GATAD2A: variants seen among roughly 807,000 people sequenced by gnomAD.
The protein encoded by GATAD2A is transcriptional repressor p66-alpha.
In GATAD2A, 12 loss-of-function variants were observed where a neutral mutation model predicts 68.5. That is an observed-to-expected ratio of 0.18 (90% CI 0.11 to 0.28). The LOEUF is 0.28. GATAD2A is among the 10% of genes least tolerant of loss of function. The pLI is 1.00. For missense variants in GATAD2A, 755 were observed against 868.5 expected, an observed-to-expected ratio of 0.87 and a Z score of 1.64; for synonymous variants, 410 against 375.3, an observed-to-expected ratio of 1.09 and a Z score of -1.07.
At chr19:19,417,898 G>C (rs2051848210) in intron 1 of GATAD2A, among the ~76,000 whole-genome samples, 1 of 152,212 alleles carries the variant, frequency 6.6e-6, no homozygotes. Context: ...TGCTCGACCA[G>C]TGCTGAGCCC....
intron 1 of GATAD2A, among the ~76,000 whole-genome samples, chr19:19,463,098 C>A (rs897546529): frequency 1.3e-5 from 2 of 152,146 alleles, no homozygotes; most frequent in Non-Finnish European, 2.9e-5. Flanking sequence ...TAGAGTGGGG[C>A]CCTTACTTGT....
chr19:19,425,501 C>T (rs2147331178), intron 1 of GATAD2A, among the ~76,000 whole-genome samples: 1 of 152,318 alleles, frequency 6.6e-6, no homozygotes, highest in South Asian at 2.1e-4. Flanking sequence ...GTTGTTTACC[C>T]CCTTTCCCCT....
chr19:19,419,275 T>G (rs1459134896), intron 1 of GATAD2A, among the ~76,000 whole-genome samples: 1 of 152,152 alleles, frequency 6.6e-6, no homozygotes, highest in Non-Finnish European at 1.5e-5. Context: ...TGGTCCTAGT[T>G]TATGACCCAG....
chr19:19,500,706 TCTCTCTTGGC>T (rs1205050396), intron 8 of GATAD2A, among the ~76,000 whole-genome samples: 3 of 152,204 alleles, frequency 2.0e-5, no homozygotes, highest in Non-Finnish European at 4.4e-5. Context: ...GGTCACTTGG[TCTCTCTTGGC>T]CTCAGTTTCC....
chr19:19,442,936 T>C (rs1321890381), intron 1 of GATAD2A, among the ~76,000 whole-genome samples: 1 of 151,884 alleles, frequency 6.6e-6, no homozygotes, highest in Non-Finnish European at 1.5e-5. Context: ...GGCTGCACAC[T>C]CCAGGAACGA....
chr19:19,470,691 A>G (rs781030169), intron 2 of GATAD2A, among the ~76,000 whole-genome samples: 16 of 152,184 alleles, frequency 1.1e-4, no homozygotes, highest in Non-Finnish European at 1.8e-4. Context: ...ATTGTAGGTG[A>G]ACGTTCTCTG....
At position 19,492,717 on chromosome 19, in the gene GATAD2A, G is replaced by GT. The variant is rs756475056; in HGVS notation, c.534+6dup. Reference sequence around the variant, plus strand: ...AAGGAAGCCACCGCCCAGAAGGTGCGTGCCTGTCTCCCCTCCTTCCTGGGC... The same window carrying GT: ...AAGGAAGCCACCGCCCAGAAGGTGCGTTGCCTGTCTCCCCTCCTTCCTGGGC... On this transcript the variant is annotated splice_donor_region_variant and intron_variant, in intron 4 of 11. Transcript: ENST00000683918. 3.7e-6 allele frequency: 6 copies of GT among 1,614,002 alleles called. No individual in the cohort carries two copies. In the African/African-American group the frequency reaches 8.0e-5, roughly 22 times the overall value.
intron 1 of GATAD2A, among the ~76,000 whole-genome samples, chr19:19,445,640 C>G (rs565026850): frequency 6.6e-6 from 1 of 152,332 alleles, no homozygotes; most frequent in East Asian, 1.9e-4. Flanking sequence ...GGGTTTGCCT[C>G]TTCTGGCATT....
At chr19:19,395,664 C>T (rs2049179686) in intron 1 of GATAD2A, among the ~76,000 whole-genome samples, 1 of 152,090 alleles carries the variant, frequency 6.6e-6, no homozygotes, top group Admixed American at 6.6e-5. Flanking sequence ...CTTGTCTGCA[C>T]CAAGAGCTGC....
At chr19:19,442,261 G>T (rs2055185093) in intron 1 of GATAD2A, among the ~76,000 whole-genome samples, 1 of 152,202 alleles carries the variant, frequency 6.6e-6, no homozygotes, top group African/African-American at 2.4e-5. Flanking sequence ...GGACCCACAG[G>T]GGCCCTGCTG....
intron 1 of GATAD2A, among the ~76,000 whole-genome samples, chr19:19,419,901 A>G (rs988656993): frequency 2.6e-5 from 4 of 151,762 alleles, no homozygotes; most frequent in Admixed American, 2.0e-4. Context: ...ATTGTTCTCA[A>G]TGGTACAGCG....
chr19:19,487,989 A>G (rs1194512579), intron 2 of GATAD2A, among the ~76,000 whole-genome samples: 1 of 152,170 alleles, frequency 6.6e-6, no homozygotes, highest in East Asian at 1.9e-4. Flanking sequence ...CTGTCTCCCC[A>G]AGCCAGCCTG....
At position 19,502,632 on chromosome 19, in the gene GATAD2A, C is replaced by T; in HGVS notation, c.1774+106C>T. The T allele has an allele frequency of 4.6e-6, 4 of 864,002 alleles. No homozygotes were observed. The South Asian group carries it at 6.6e-5, about 14-fold the overall frequency. The allele number at this position is 864,002 out of a possible 1,614,324, so 53.5% of individuals were successfully genotyped here. A position where few individuals can be genotyped will look rare whatever the true frequency, so the allele number is the denominator to read the frequency against. The stretch of plus-strand genomic sequence containing the variant: ...TGCAGCGGGTGAACCCCCAGGCCCG[C>T]TTCCCAAGCTCAGCCTCCTCGGACT... On this transcript the variant is annotated intron_variant, in intron 11 of 11. Transcript: ENST00000683918.
chr19:19,470,153 T>TA lies in GATAD2A; in HGVS notation c.269+4539_269+4540insA, dbSNP rs1469210634. On this transcript the variant is annotated intron_variant, in intron 2 of 11. Coordinates refer to ENST00000683918, the MANE Select transcript of GATAD2A (RefSeq NM_001384528.1). ...CCAAACTGCGACTTTATTTTTTTTT[T>TA]TGTTTTTTTTTTTTTGAGACAGAGT... 2.4e-3 allele frequency among the ~76,000 whole-genome samples: 329 copies of TA among 139,310 alleles called. 3 individuals are homozygous for TA. The highest frequency in any genetic ancestry group is 4.2e-3 in the Non-Finnish European group (263 of 63,294). 91.4% of individuals were successfully genotyped at this position (139,310 alleles called of 152,430 possible).
intron 3 of GATAD2A, 61 bp downstream of exon 3, chr19:19,492,499 C>T (rs561549227): frequency 6.2e-7 from 1 of 1,611,958 alleles, no homozygotes; most frequent in Non-Finnish European, 8.5e-7. Flanking sequence ...TCATGACACC[C>T]TCAGGTGGAG....
chr19:19,406,809 C>T (rs1600021936), intron 1 of GATAD2A, among the ~76,000 whole-genome samples: 1 of 152,328 alleles, frequency 6.6e-6, no homozygotes, highest in East Asian at 1.9e-4. Flanking sequence ...CTGACGGACA[C>T]TTGGATTGTG....
At chr19:19,406,559 A>G (rs1048273837) in intron 1 of GATAD2A, among the ~76,000 whole-genome samples, 4 of 151,766 alleles carry the variant, frequency 2.6e-5, no homozygotes, top group Admixed American at 2.0e-4. Flanking sequence ...TTCCTGCCTA[A>G]CCCCCGGGAG....
At chr19:19,473,844 G>A (rs541959960) in intron 2 of GATAD2A, among the ~76,000 whole-genome samples, 12 of 152,096 alleles carry the variant, frequency 7.9e-5, no homozygotes, top group African/African-American at 2.4e-4. Flanking sequence ...AACTTGGGTG[G>A]CTGAGGCAGG....
chr19:19,447,636 G>T (rs182441627), intron 1 of GATAD2A, among the ~76,000 whole-genome samples: 6 of 152,328 alleles, frequency 3.9e-5, no homozygotes, highest in African/African-American at 1.4e-4. Context: ...ACGGGCTGGG[G>T]CTGCGTTGAG....
Sources: gnomAD v4.1 joint callset for allele counts (sites outside exome capture counted in the v4.1 genomes callset) on GRCh38, gnomAD v4.1.1 for gene constraint, MANE v1.5 for transcripts, NCBI Gene and HGNC (gene_info 2026-07-23, HGNC 2026-07-21) for gene names.